KIAA1217: variants seen among roughly 807,000 people sequenced by gnomAD.
KIAA1217 encodes KIAA1217, also known as sickle tail protein homolog.
A neutral mutation model predicts 163.9 loss-of-function variants in KIAA1217; 88 were observed. The observed-to-expected ratio is 0.54, with a 90% CI of 0.45 to 0.64. KIAA1217 has a LOEUF of 0.64. KIAA1217 is among the 30% of genes least tolerant of loss of function. The pLI, the probability that KIAA1217 is intolerant of heterozygous loss-of-function variation, is 0.00. For missense variants in KIAA1217, 2,372 were observed against 2,475.0 expected (o/e 0.96, Z 0.88); for synonymous variants, 903 against 923.1 (o/e 0.98, Z 0.39).
intron 2 of KIAA1217, among the ~76,000 whole-genome samples, chr10:24,379,768 A>C (rs1453131414): frequency 1.3e-5 from 2 of 151,506 alleles, no homozygotes; most frequent in African/African-American, 4.9e-5. Context: ...ATCATTAATA[A>C]GGCCGGGCAT....
At chr10:24,091,298 C>T (rs997520154) in intron 2 of KIAA1217, among the ~76,000 whole-genome samples, 6 of 151,866 alleles carry the variant, frequency 4.0e-5, no homozygotes, top group Non-Finnish European at 7.3e-5. Flanking sequence ...ATGCACCCAG[C>T]GACTGGCATC....
At chr10:23,941,941 C>G (rs1376785813) in intron 1 of KIAA1217, among the ~76,000 whole-genome samples, 1 of 152,080 alleles carries the variant, frequency 6.6e-6, no homozygotes, top group Non-Finnish European at 1.5e-5. Flanking sequence ...AGAAAACAAT[C>G]TTCCACAACG....
chr10:24,426,987 A>T (rs977184585), intron 3 of KIAA1217, among the ~76,000 whole-genome samples: 2 of 152,184 alleles, frequency 1.3e-5, no homozygotes, highest in African/African-American at 2.4e-5. Flanking sequence ...GACGCAAAAG[A>T]TAATGAAGAT....
intron 2 of KIAA1217, among the ~76,000 whole-genome samples, chr10:24,094,221 A>G (rs534058184): frequency 1.6e-4 from 25 of 152,252 alleles, no homozygotes; most frequent in African/African-American, 4.6e-4. Flanking sequence ...CTGAGGAATC[A>G]CCACACTGAC....
At chr10:24,240,382 A>G (rs1259878544) in intron 2 of KIAA1217, among the ~76,000 whole-genome samples, 1 of 152,240 alleles carries the variant, frequency 6.6e-6, no homozygotes, top group Admixed American at 6.5e-5. Flanking sequence ...ACTTAGGAAT[A>G]AGTGGATAGG....
chr10:23,940,529 G>A (rs896857538), intron 1 of KIAA1217, among the ~76,000 whole-genome samples: 7 of 146,920 alleles, frequency 4.8e-5, no homozygotes, highest in Non-Finnish European at 9.0e-5. Context: ...CTTAATCATT[G>A]ATAAAACAAG....
intron 1 of KIAA1217, among the ~76,000 whole-genome samples, chr10:23,994,386 C>T (rs1311674507): frequency 6.6e-6 from 1 of 152,178 alleles, no homozygotes; most frequent in Non-Finnish European, 1.5e-5. Context: ...GGTCTCAGGA[C>T]AGTCCCACAG....
At chr10:24,352,181 C>T (rs896012152) in intron 2 of KIAA1217, among the ~76,000 whole-genome samples, 1 of 152,248 alleles carries the variant, frequency 6.6e-6, no homozygotes, top group African/African-American at 2.4e-5. Context: ...CAAATGAACT[C>T]ACAATAGTGC....
chr10:24,038,964 G>A (rs540059214), intron 2 of KIAA1217, among the ~76,000 whole-genome samples: 30 of 152,016 alleles, frequency 2.0e-4, no homozygotes, highest in African/African-American at 6.5e-4. Context: ...GGCTGGTCTC[G>A]AACTCCTAAC....
chr10:24,488,690 T>TTG (rs2065711942), intron 6 of KIAA1217, among the ~76,000 whole-genome samples: 1 of 152,236 alleles, frequency 6.6e-6, no homozygotes, highest in African/African-American at 2.4e-5. Flanking sequence ...TTAAATTCCT[T>TTG]TGTTTTGTTG....
intron 2 of KIAA1217, among the ~76,000 whole-genome samples, chr10:24,278,899 C>T (rs1490933215): frequency 1.4e-5 from 2 of 145,370 alleles, no homozygotes; most frequent in Non-Finnish European, 1.5e-5. Flanking sequence ...CTCTGTTGCT[C>T]AGGCTGGAGT....
intron 2 of KIAA1217, among the ~76,000 whole-genome samples, chr10:24,039,803 TATA>T (rs907064172): frequency 4.7e-4 from 2 of 4,244 alleles, no homozygotes; most frequent in African/African-American, 6.4e-4. Context: ...TATAGATAGA[TATA>T]GATATAGATA....
intron 3 of KIAA1217, among the ~76,000 whole-genome samples, chr10:24,426,362 C>G (rs1465468052): frequency 6.6e-6 from 1 of 152,130 alleles, no homozygotes; most frequent in Non-Finnish European, 1.5e-5. Flanking sequence ...GTGGCTCCAC[C>G]TGTAATCCTA....
intron 2 of KIAA1217, among the ~76,000 whole-genome samples, chr10:24,371,656 T>A (rs2051665414): frequency 6.6e-6 from 1 of 152,204 alleles, no homozygotes; most frequent in African/African-American, 2.4e-5. Context: ...GTTTTCCCCA[T>A]GCATTTGTGT....
At chr10:24,128,996 T>C (rs1238437594) in intron 2 of KIAA1217, among the ~76,000 whole-genome samples, 2 of 152,194 alleles carry the variant, frequency 1.3e-5, no homozygotes, top group African/African-American at 2.4e-5. Flanking sequence ...TCGGAGTGCA[T>C]TTCCCTAACA....
chr10:24,146,571 A>AGCGGACT (rs1429651019), intron 2 of KIAA1217, among the ~76,000 whole-genome samples: 1 of 152,162 alleles, frequency 6.6e-6, no homozygotes, highest in Non-Finnish European at 1.5e-5. Context: ...CTGCAGTCCC[A>AGCGGACT]GCTCAGGAGA....
intron 5 of KIAA1217, among the ~76,000 whole-genome samples, chr10:24,456,384 G>C (rs780788571): frequency 2.0e-5 from 3 of 152,156 alleles, no homozygotes; most frequent in Non-Finnish European, 4.4e-5. Flanking sequence ...AGCTCACTGA[G>C]TGGGCCCGTG....
intron 2 of KIAA1217, among the ~76,000 whole-genome samples, chr10:24,202,505 G>A (rs564740715): frequency 7.9e-4 from 121 of 152,286 alleles, no homozygotes; most frequent in African/African-American, 2.7e-3. Flanking sequence ...TGTTCTCGGA[G>A]CCTCCACCCT....
At chr10:23,892,981 G>A (rs1005510542) in intron 1 of KIAA1217, among the ~76,000 whole-genome samples, 1 of 151,890 alleles carries the variant, frequency 6.6e-6, no homozygotes, top group African/African-American at 2.4e-5. Flanking sequence ...GCCCGGCTTT[G>A]GTATCAGGAT....
Sources: gnomAD v4.1 joint callset for allele counts (sites outside exome capture counted in the v4.1 genomes callset) on GRCh38, gnomAD v4.1.1 for gene constraint, MANE v1.5 for transcripts, NCBI Gene and HGNC (gene_info 2026-07-23, HGNC 2026-07-21) for gene names.